Variants in FAAH2 observed in about 807,000 individuals in gnomAD.
FAAH2 encodes fatty acid amide hydrolase 2, also known as fatty-acid amide hydrolase 2.
Under a neutral mutation model 36.9 loss-of-function variants are expected in FAAH2, and 60 were observed. The observed-to-expected ratio is 1.63, with a 90% CI of 1.32 to 2.02. The LOEUF (loss-of-function observed/expected upper bound fraction) is 2.02. FAAH2 is among the 30% of genes most tolerant of loss of function. The pLI, the probability that FAAH2 is intolerant of heterozygous loss-of-function variation, is 0.00. For missense variants in FAAH2, 689 were observed against 397.5 expected (o/e 1.73, Z -6.23); for synonymous variants, 214 against 143.8 (o/e 1.49, Z -3.49).
intron 10 of FAAH2, among the ~76,000 whole-genome samples, chrX:57,485,343 G>A (rs755950623): frequency 4.5e-5 from 5 of 111,305 alleles, no homozygotes; most frequent in Admixed American, 9.6e-5. Flanking sequence ...GAAATGCCAA[G>A]CCATGGCCAC....
At chrX:57,315,295 T>A (rs1218801591) in intron 3 of FAAH2, among the ~76,000 whole-genome samples, 1 of 110,797 alleles carries the variant, frequency 9.0e-6, no homozygotes, top group African/African-American at 3.3e-5. Flanking sequence ...TGTCCTGGAC[T>A]AGATGGATTC....
chrX:57,279,524 C>A, the FAAH2 span, among the ~76,000 whole-genome samples: 1 of 111,044 alleles, frequency 9.0e-6, no homozygotes, highest in African/African-American at 3.3e-5. Context: ...ATGGGTGCAG[C>A]AAACCACCAA....
chrX:57,283,906 G>A (rs1356100345), upstream of FAAH2, among the ~76,000 whole-genome samples: 4 of 111,998 alleles, frequency 3.6e-5, no homozygotes, highest in African/African-American at 9.7e-5. Flanking sequence ...GATTGTGCTT[G>A]GGGCCCAGGT....
chrX:57,321,476 A>G (rs772809129), intron 3 of FAAH2, among the ~76,000 whole-genome samples: 17 of 109,681 alleles, frequency 1.5e-4, no homozygotes, highest in African/African-American at 5.6e-4. Flanking sequence ...GTATAATAAT[A>G]ATTATTATTA....
rs372572864 is a variant in FAAH2 at position 57,447,779 on chromosome X, A to T, written c.1228+740A>T. ...GAGGGTCCTGGGCCTGGTCCATGAA[A>T]CCATTTTTTCCTCTTAGGCCTCTGA... On this transcript the variant is annotated intron_variant, in intron 9 of 10. Transcript: ENST00000374900. 1.3e-4 allele frequency among the ~76,000 whole-genome samples: 14 copies of T among 111,384 alleles called. No individual in the cohort carries two copies. In the East Asian group the frequency reaches 3.1e-3, roughly 25 times the overall value.
the FAAH2 span, among the ~76,000 whole-genome samples, chrX:57,132,914 T>A: frequency 3.6e-5 from 4 of 112,260 alleles, no homozygotes; most frequent in Non-Finnish European, 5.6e-5. Flanking sequence ...TCAGCTCCAG[T>A]CATGATAACA....
chrX:57,459,933 T>C (rs2056929224), intron 10 of FAAH2, among the ~76,000 whole-genome samples: 1 of 111,186 alleles, frequency 9.0e-6, no homozygotes, highest in African/African-American at 3.3e-5. Flanking sequence ...CAAGAATGCC[T>C]CTTCTCCCCC....
intron 3 of FAAH2, among the ~76,000 whole-genome samples, chrX:57,325,372 T>C (rs919667750): frequency 3.6e-5 from 4 of 111,493 alleles, no homozygotes; most frequent in Admixed American, 9.5e-5. Context: ...TTAGGGAGGA[T>C]TCCCTATTTT....
intron 8 of FAAH2, among the ~76,000 whole-genome samples, chrX:57,446,181 G>C (rs1433817265): frequency 1.8e-5 from 2 of 112,468 alleles, no homozygotes; most frequent in African/African-American, 3.2e-5. Flanking sequence ...ATGAGGTGCT[G>C]ATGGACAATG....
At chrX:57,227,958 T>A in the FAAH2 span, among the ~76,000 whole-genome samples, 1 of 111,607 alleles carries the variant, frequency 9.0e-6, no homozygotes, top group Non-Finnish European at 1.9e-5. Flanking sequence ...TACTCAGCTC[T>A]CACTCAAACC....
At chrX:57,425,953 C>T (rs1357779874) in intron 7 of FAAH2, among the ~76,000 whole-genome samples, 1 of 112,034 alleles carries the variant, frequency 8.9e-6, no homozygotes, top group African/African-American at 3.2e-5. Flanking sequence ...GAAAAAGACT[C>T]ACCTTACTCA....
chrX:57,473,668 G>A (rs2057210344), intron 10 of FAAH2, among the ~76,000 whole-genome samples: 1 of 111,306 alleles, frequency 9.0e-6, no homozygotes, highest in African/African-American at 3.3e-5. Context: ...AGGTCTAGAA[G>A]TATATTTTTT....
chrX:57,205,148 A>G, the FAAH2 span, among the ~76,000 whole-genome samples: 1 of 112,611 alleles, frequency 8.9e-6, no homozygotes, highest in Non-Finnish European at 1.9e-5. Context: ...AGAGAATTAG[A>G]TTCCAATCTT....
chrX:57,334,264 C>T (rs1187041150), intron 4 of FAAH2, among the ~76,000 whole-genome samples: 5 of 8,694 alleles, frequency 5.8e-4, no homozygotes, highest in South Asian at 0.012. Context: ...AGGGAGATTC[C>T]GTCTCACACA....
the FAAH2 span, among the ~76,000 whole-genome samples, chrX:57,190,440 G>A: frequency 1.1e-5 from 1 of 88,746 alleles, no homozygotes; most frequent in Non-Finnish European, 2.2e-5. Flanking sequence ...GTGCCACTGT[G>A]GTAGAAAAAA....
chrX:57,195,392 A>G, the FAAH2 span, among the ~76,000 whole-genome samples: 1 of 111,399 alleles, frequency 9.0e-6, no homozygotes, highest in African/African-American at 3.3e-5. Flanking sequence ...TTTGTTGACC[A>G]TTTGTCTGTC....
At chrX:57,437,999 A>G (rs2056449802) in intron 8 of FAAH2, among the ~76,000 whole-genome samples, 1 of 104,308 alleles carries the variant, frequency 9.6e-6, no homozygotes, top group Admixed American at 1.1e-4. Context: ...ATATATACAT[A>G]CGTATATGTA....
At chrX:57,436,423 G>C (rs1473940057) in intron 8 of FAAH2, among the ~76,000 whole-genome samples, 1 of 109,066 alleles carries the variant, frequency 9.2e-6, no homozygotes, top group Non-Finnish European at 1.9e-5. Context: ...AAGTACAAAG[G>C]GTCACTGAAA....
At chrX:57,146,284 T>A in the FAAH2 span, among the ~76,000 whole-genome samples, 8 of 111,108 alleles carry the variant, frequency 7.2e-5, no homozygotes, top group African/African-American at 2.0e-4. Flanking sequence ...TCTTTCACCC[T>A]CTGAGTTATG....
Sources: allele counts gnomAD v4.1 joint callset (sites outside exome capture counted in the v4.1 genomes callset), GRCh38; gene constraint gnomAD v4.1.1; transcripts MANE v1.5; gene names NCBI Gene and HGNC (gene_info 2026-07-23, HGNC 2026-07-21).